The following IL1RAPL2 variants were observed in gnomAD, a reference collection of about 807,000 sequenced individuals.
IL1RAPL2 encodes the protein interleukin 1 receptor accessory protein like 2.
Under a neutral mutation model 44.1 loss-of-function variants are expected in IL1RAPL2, and 3 were observed. That is an observed-to-expected ratio of 0.07 (90% CI 0.03 to 0.18). IL1RAPL2 has a LOEUF of 0.18. Among genes scored for constraint, IL1RAPL2 ranks in the 10% least tolerant of loss-of-function variants. IL1RAPL2 has a pLI of 1.00. For synonymous variants in IL1RAPL2, 181 were observed against 178.8 expected (o/e 1.01, Z -0.10); for missense variants, 391 against 496.4 (o/e 0.79, Z 2.02).
At chrX:105,416,409 T>G (rs1169529501) in intron 5 of IL1RAPL2, among the ~76,000 whole-genome samples, 3 of 112,016 alleles carry the variant, frequency 2.7e-5, no homozygotes, top group Non-Finnish European at 5.6e-5. Context: ...TTGCCTGAGT[T>G]CAAATGTTCT....
chrX:104,856,639 C>T (rs890837757), intron 2 of IL1RAPL2, among the ~76,000 whole-genome samples: 1 of 111,990 alleles, frequency 8.9e-6, no homozygotes, highest in Non-Finnish European at 1.9e-5. Flanking sequence ...ACTACTCCCA[C>T]TCCTGCCATA....
chrX:105,627,160 G>T (rs1035198068), intron 6 of IL1RAPL2, among the ~76,000 whole-genome samples: 3 of 111,610 alleles, frequency 2.7e-5, no homozygotes, highest in Admixed American at 9.6e-5. Flanking sequence ...ATTTGGGCCA[G>T]ACTTGCATTT....
At chrX:104,996,291 C>A (rs976969843) in intron 2 of IL1RAPL2, among the ~76,000 whole-genome samples, 1 of 111,803 alleles carries the variant, frequency 8.9e-6, no homozygotes, top group Non-Finnish European at 1.9e-5. Context: ...GATCAATGAA[C>A]CTTTGCCCTC....
At chrX:105,683,819 C>T (rs1355452963) in intron 6 of IL1RAPL2, among the ~76,000 whole-genome samples, 1 of 112,285 alleles carries the variant, frequency 8.9e-6, no homozygotes, top group Non-Finnish European at 1.9e-5. Context: ...CTCATGAATA[C>T]ACATAATACA....
intron 2 of IL1RAPL2, among the ~76,000 whole-genome samples, chrX:104,916,010 C>T (rs1924415145): frequency 8.9e-6 from 1 of 111,802 alleles, no homozygotes; most frequent in Non-Finnish European, 1.9e-5. Flanking sequence ...CGTGATGCCT[C>T]CAGCTTTGTT....
chrX:104,760,043 C>T (rs1409451013), intron 2 of IL1RAPL2, among the ~76,000 whole-genome samples: 7 of 111,760 alleles, frequency 6.3e-5, no homozygotes, highest in African/African-American at 2.3e-4. Context: ...TGAGAACCTG[C>T]TAAGTTTGTC....
intron 2 of IL1RAPL2, among the ~76,000 whole-genome samples, chrX:104,947,743 T>A (rs1283209110): frequency 8.9e-6 from 1 of 111,823 alleles, no homozygotes; most frequent in Non-Finnish European, 1.9e-5. Flanking sequence ...GCGGTGTTAT[T>A]TCTCAGGGTT....
intron 10 of IL1RAPL2, among the ~76,000 whole-genome samples, chrX:105,756,039 C>A: frequency 9.0e-6 from 1 of 110,551 alleles, no homozygotes; most frequent in Non-Finnish European, 1.9e-5. Context: ...ACAGAGAAAT[C>A]TAAGACATAG....
chrX:105,660,819 G>A (rs2037714426), intron 6 of IL1RAPL2, among the ~76,000 whole-genome samples: 3 of 110,957 alleles, frequency 2.7e-5, no homozygotes, highest in South Asian at 7.6e-4. Context: ...ACACATCACT[G>A]AAGAAAATTG....
intron 5 of IL1RAPL2, among the ~76,000 whole-genome samples, chrX:105,273,111 T>C (rs2034460025): frequency 9.0e-6 from 1 of 111,570 alleles, no homozygotes; most frequent in South Asian, 3.8e-4. Context: ...AGCAACTCCA[T>C]AATAATCATA....
intron 2 of IL1RAPL2, among the ~76,000 whole-genome samples, chrX:104,852,704 A>G (rs1042297623): frequency 8.9e-6 from 1 of 112,255 alleles, no homozygotes; most frequent in African/African-American, 3.2e-5. Flanking sequence ...ACATGGCATC[A>G]GGAGAAGCAT....
At chrX:105,706,554 T>A (rs1425502344) in intron 6 of IL1RAPL2, among the ~76,000 whole-genome samples, 1 of 111,244 alleles carries the variant, frequency 9.0e-6, no homozygotes, top group Admixed American at 9.6e-5. Flanking sequence ...ATGATGGAGT[T>A]GGGAATCCAT....
intron 2 of IL1RAPL2, among the ~76,000 whole-genome samples, chrX:105,019,881 C>T (rs758854926): frequency 9.0e-6 from 1 of 110,822 alleles, no homozygotes; most frequent in Non-Finnish European, 1.9e-5. Context: ...CATAAGAGAC[C>T]CTGGAGATCA....
chrX:105,288,779 G>A (rs1311685759), intron 5 of IL1RAPL2, among the ~76,000 whole-genome samples: 4 of 110,685 alleles, frequency 3.6e-5, no homozygotes, highest in African/African-American at 6.6e-5. Flanking sequence ...TCTTGGTGGG[G>A]CTCACATTTA....
At chrX:105,671,876 T>G (rs1319415039) in intron 6 of IL1RAPL2, among the ~76,000 whole-genome samples, 4 of 111,404 alleles carry the variant, frequency 3.6e-5, no homozygotes, top group Non-Finnish European at 7.5e-5. Context: ...CCAGAATGAG[T>G]AATTACTGTT....
At chrX:104,593,832 C>T (rs746601444) in intron 1 of IL1RAPL2, among the ~76,000 whole-genome samples, 16 of 112,356 alleles carry the variant, frequency 1.4e-4, no homozygotes, top group African/African-American at 4.8e-4. Context: ...CTGGTATTCC[C>T]AATAAATTTC....
At chrX:105,080,716 C>T (rs145959364) in intron 2 of IL1RAPL2, among the ~76,000 whole-genome samples, 7,123 of 111,080 alleles carry the variant, frequency 0.064, 608 homozygotes, top group African/African-American at 0.22. Flanking sequence ...TTTTTGGTTC[C>T]GTAGGAAATT....
chrX:104,843,797 T>C (rs1392616950), intron 2 of IL1RAPL2, among the ~76,000 whole-genome samples: 1 of 110,196 alleles, frequency 9.1e-6, no homozygotes, highest in African/African-American at 3.3e-5. Flanking sequence ...ACCTTCTGTG[T>C]TGGTTTTGCT....
chrX:105,028,055 T>C (rs1466359841), intron 2 of IL1RAPL2, among the ~76,000 whole-genome samples: 2 of 111,469 alleles, frequency 1.8e-5, no homozygotes, highest in African/African-American at 6.5e-5. Flanking sequence ...GAGGACATTA[T>C]GTTAAGTAAA....
Sources: gnomAD v4.1 joint callset for allele counts (sites outside exome capture counted in the v4.1 genomes callset) on GRCh38, gnomAD v4.1.1 for gene constraint, MANE v1.5 for transcripts, NCBI Gene and HGNC (gene_info 2026-07-23, HGNC 2026-07-21) for gene names.